The following LRRFIP1 variants were observed in gnomAD, a reference collection of about 807,000 sequenced individuals.
The protein encoded by LRRFIP1 is LRR binding FLII interacting protein 1, also known as leucine-rich repeat flightless-interacting protein 1.
In LRRFIP1, 62 loss-of-function variants were observed where a neutral mutation model predicts 104.4. The ratio of observed to expected loss-of-function variants is 0.59; its 90% CI spans 0.48 to 0.73. LRRFIP1 has a LOEUF of 0.73. Among genes scored for constraint, LRRFIP1 ranks in the 30% least tolerant of loss-of-function variants. The probability of loss-of-function intolerance (pLI) is 0.00; values close to 1 mark genes in which losing one functional copy is unlikely to be tolerated. For missense variants in LRRFIP1, 796 were observed against 824.5 expected (o/e 0.97, Z 0.42); for synonymous variants, 300 against 299.0 (o/e 1.00, Z -0.03).
Position 237,660,423 on chromosome 2 carries a change from T to C in LRRFIP1, c.96+32683T>C, listed in dbSNP as rs142632356. ...CTGATGAGAGAGTCCACAGCAGCTA[T>C]CTCCACAGAGTACAGCTGGCCAGTG... On this transcript the variant is annotated intron_variant, in intron 1 of 23. Coordinates refer to ENST00000308482, the MANE Select transcript of LRRFIP1 (RefSeq NM_001137550.2). 3.9e-5 allele frequency among the ~76,000 whole-genome samples: 6 copies of C among 152,150 alleles called. 1 individual carries two copies. Among genetic ancestry groups the C allele is most frequent in the African/African-American group, 1.4e-4 (6 of 41,506 alleles).
chr2:237,662,556 G>T (rs1420700670), intron 1 of LRRFIP1, among the ~76,000 whole-genome samples: 1 of 151,656 alleles, frequency 6.6e-6, no homozygotes, highest in Non-Finnish European at 1.5e-5. Flanking sequence ...TTTCTCTTAG[G>T]ATTTGAAGAT....
At chr2:237,730,919 G>GACAAACAA (rs3053643) in intron 8 of LRRFIP1, among the ~76,000 whole-genome samples, 1,659 of 151,416 alleles carry the variant, frequency 0.011, 18 homozygotes, top group South Asian at 0.045. Flanking sequence ...TTCCATCTCA[G>GACAAACAA]ACAAACAAAC....
At chr2:237,693,181 T>C (rs2149783186) in intron 1 of LRRFIP1, among the ~76,000 whole-genome samples, 1 of 152,348 alleles carries the variant, frequency 6.6e-6, no homozygotes, top group Non-Finnish European at 1.5e-5. Context: ...TTCATGCAGC[T>C]TGTGGTTGAA....
chr2:237,715,684 G>A (rs955727902), intron 3 of LRRFIP1, among the ~76,000 whole-genome samples: 4 of 152,224 alleles, frequency 2.6e-5, no homozygotes, highest in African/African-American at 4.8e-5. Flanking sequence ...CGGCGATTGC[G>A]CCTCCGGCCC....
At chr2:237,729,770 T>C (rs2094921418) in intron 8 of LRRFIP1, 1 of 985,000 alleles carries the variant, frequency 1.0e-6, no homozygotes, top group African/African-American at 1.7e-5. Context: ...TTTTCTTCTT[T>C]GGTGCTCAGA....
intron 1 of LRRFIP1, among the ~76,000 whole-genome samples, chr2:237,663,605 C>T (rs547820477): frequency 1.4e-3 from 208 of 152,336 alleles, no homozygotes; most frequent in Non-Finnish European, 2.6e-3. Context: ...TAGTCTATGC[C>T]CTTCTGCTAC....
intron 8 of LRRFIP1, among the ~76,000 whole-genome samples, chr2:237,728,782 T>C (rs1234890132): frequency 6.6e-6 from 1 of 152,198 alleles, no homozygotes; most frequent in Non-Finnish European, 1.5e-5. Flanking sequence ...GCTTAAATTA[T>C]ACTTTTGGGC....
intron 1 of LRRFIP1, among the ~76,000 whole-genome samples, chr2:237,629,127 C>G (rs1312118843): frequency 6.6e-6 from 1 of 152,236 alleles, no homozygotes; most frequent in Non-Finnish European, 1.5e-5. Flanking sequence ...AAATATCTTA[C>G]TTTTGTATCC....
rs1156816771 is a variant in LRRFIP1, at chr2:237,727,741, A to G, written c.385-135A>G. 7.2e-6 allele frequency: 4 copies of G among 551,792 alleles called. No individual in the cohort carries two copies. The East Asian group carries it at 1.2e-4, about 16-fold the overall frequency. The allele number at this position is 551,792 out of a possible 1,614,324, so 34.2% of individuals were successfully genotyped here. On this transcript the variant is annotated intron_variant, in intron 7 of 23. Coordinates refer to ENST00000308482, the MANE Select transcript of LRRFIP1 (RefSeq NM_001137550.2). ...CAGTTTGGGAGCTGCCAGGACTTGTACTGTCCTGGACTGGTCATTCATCCG... is the reference window on the plus strand; with the variant it reads ...CAGTTTGGGAGCTGCCAGGACTTGTGCTGTCCTGGACTGGTCATTCATCCG...
chr2:237,701,706 C>G (rs1370496746), intron 1 of LRRFIP1, among the ~76,000 whole-genome samples: 1 of 152,212 alleles, frequency 6.6e-6, no homozygotes, highest in Admixed American at 6.5e-5. Flanking sequence ...TACCTCACTG[C>G]CCTGTGTGCC....
Position 237,661,176 on chromosome 2 carries a change from G to C in LRRFIP1, c.96+33436G>C, listed in dbSNP as rs1019448811. Among the ~76,000 whole-genome samples, 1 of 152,216 alleles carries C rather than the reference G, an allele frequency of 6.6e-6. No individual in the cohort carries two copies. The highest frequency in any genetic ancestry group is 2.4e-5 in the African/African-American group (1 of 41,462). On this transcript the variant is annotated intron_variant, in intron 1 of 23. Coordinates refer to ENST00000308482, the MANE Select transcript of LRRFIP1 (RefSeq NM_001137550.2). This position sits in a 1 kb window ranked among gnomAD's most constrained non-coding sequence, Gnocchi z 4.4. ...GGAAGGATATCTGGGGCCACGCAGG[G>C]AGACCCTGGGGGATCCTGGGCAGAA...
chr2:237,729,671 T>C (rs1029644924), intron 8 of LRRFIP1: 2 of 283,890 alleles, frequency 7.0e-6, no homozygotes, highest in Non-Finnish European at 1.1e-5. Context: ...GCTCCTAGTG[T>C]TGGCTCGGTT....
At chr2:237,701,755 C>T (rs1043583710) in intron 1 of LRRFIP1, among the ~76,000 whole-genome samples, 1 of 152,170 alleles carries the variant, frequency 6.6e-6, no homozygotes, top group African/African-American at 2.4e-5. Context: ...GTGGTTCTGT[C>T]TAGAACTAGA....
At chr2:237,653,771 C>T (rs1026368486) in intron 1 of LRRFIP1, among the ~76,000 whole-genome samples, 5 of 152,136 alleles carry the variant, frequency 3.3e-5, no homozygotes, top group African/African-American at 1.2e-4. Context: ...ATAATCTCCT[C>T]AATAAGTGAT....
intron 1 of LRRFIP1, among the ~76,000 whole-genome samples, chr2:237,630,936 A>G (rs1028782535): frequency 1.3e-5 from 2 of 152,212 alleles, no homozygotes; most frequent in African/African-American, 4.8e-5. Context: ...AGCTAGCAGT[A>G]TCTCCCTGGT....
intron 6 of LRRFIP1, among the ~76,000 whole-genome samples, chr2:237,722,560 A>G (rs1442037432): frequency 1.3e-5 from 2 of 152,180 alleles, no homozygotes; most frequent in African/African-American, 2.4e-5. Flanking sequence ...TAAGAGCTGA[A>G]ATTTCCTATA....
At chr2:237,763,364 G>A (rs182108447) in intron 19 of LRRFIP1, 8 of 1,614,008 alleles carry the variant, frequency 5.0e-6, no homozygotes, top group Middle Eastern at 1.7e-4. Context: ...GAAAGAGCCC[G>A]ATGAAGAAAA....
At chr2:237,710,862 C>A (rs1053059361) in intron 2 of LRRFIP1, among the ~76,000 whole-genome samples, 1 of 152,064 alleles carries the variant, frequency 6.6e-6, no homozygotes, top group Non-Finnish European at 1.5e-5. Context: ...TGCTGGACTC[C>A]CACGTCTCTG....
chr2:237,668,795 ATATT>A (rs747663073), intron 1 of LRRFIP1, among the ~76,000 whole-genome samples: 1 of 152,220 alleles, frequency 6.6e-6, no homozygotes, highest in Non-Finnish European at 1.5e-5. Context: ...CTGAAAGAAA[ATATT>A]TATTATATTA....
Sources: allele counts gnomAD v4.1 joint callset (sites outside exome capture counted in the v4.1 genomes callset), GRCh38; gene constraint gnomAD v4.1.1; non-coding constraint Gnocchi (gnomAD v3.1); transcripts MANE v1.5; gene names NCBI Gene and HGNC (gene_info 2026-07-23, HGNC 2026-07-21).